Variants in VPS8 observed in about 807,000 individuals in gnomAD.
VPS8 encodes vacuolar protein sorting-associated protein 8 homolog.
In VPS8, 129 loss-of-function variants were observed where a neutral mutation model predicts 216.4. That is an observed-to-expected ratio of 0.60 (90% CI 0.52 to 0.69). The LOEUF is 0.69. Among genes scored for constraint, VPS8 ranks in the 30% least tolerant of loss-of-function variants. The probability of loss-of-function intolerance (pLI) is 0.00; values close to 1 mark genes in which losing one functional copy is unlikely to be tolerated. For synonymous variants in VPS8, 571 were observed against 565.4 expected (o/e 1.01, Z -0.14); for missense variants, 1,531 against 1,683.5 (o/e 0.91, Z 1.59).
chr3:184,984,183 C>CAAAAA (rs1453935100), intron 42 of VPS8, among the ~76,000 whole-genome samples: 39 of 2,886 alleles, frequency 0.014, 19 homozygotes, highest in Non-Finnish European at 0.017. Context: ...GACTCCGTCT[C>CAAAAA]AAAAAAAAAA....
chr3:184,936,828 C>G (rs1392027633), intron 35 of VPS8, among the ~76,000 whole-genome samples: 2 of 151,708 alleles, frequency 1.3e-5, no homozygotes, highest in African/African-American at 4.8e-5. Flanking sequence ...AGCTCCGCCT[C>G]CCGGGTTCAA....
intron 3 of VPS8, among the ~76,000 whole-genome samples, chr3:184,828,909 G>T (rs1719389639): frequency 6.6e-6 from 1 of 152,020 alleles, no homozygotes; most frequent in Non-Finnish European, 1.5e-5. Flanking sequence ...CCAAACCCAG[G>T]GTAATTACTA....
intron 3 of VPS8, among the ~76,000 whole-genome samples, chr3:184,828,270 G>T (rs1719236461): frequency 6.6e-6 from 1 of 152,060 alleles, no homozygotes; most frequent in South Asian, 2.1e-4. Flanking sequence ...CTCCTGAGTA[G>T]CTGGGATTAC....
At chr3:184,847,615 T>C (rs1196173908) in intron 8 of VPS8, among the ~76,000 whole-genome samples, 3 of 152,256 alleles carry the variant, frequency 2.0e-5, no homozygotes, top group Admixed American at 2.0e-4. Flanking sequence ...GTTGTGGAAA[T>C]ATGGTGTTTT....
At chr3:184,947,922 G>A (rs1041400555) in intron 36 of VPS8, among the ~76,000 whole-genome samples, 25 of 152,138 alleles carry the variant, frequency 1.6e-4, no homozygotes, top group African/African-American at 6.0e-4. Flanking sequence ...AGAAAGGTAG[G>A]AGAAAAATTA....
At position 184,928,376 on chromosome 3, in the gene VPS8, T is replaced by G. The variant is rs781442755; in HGVS notation, c.2632-75T>G. 6.8e-6 allele frequency: 9 copies of G among 1,321,354 alleles called. No homozygotes were observed. The East Asian group carries it at 2.5e-4, about 36-fold the overall frequency. 81.9% of individuals were successfully genotyped at this position (1,321,354 alleles called of 1,614,324 possible). On this transcript the variant is annotated intron_variant, in intron 31 of 47. Coordinates refer to ENST00000625842, the MANE Select transcript of VPS8 (RefSeq NM_001009921.3). ...AAAAGAAAAAAATTAAATGTTATAG[T>G]CTGCATGGCTGAATGCACTCTTAAA...
At chr3:185,016,306 G>A (rs1755784027) in intron 45 of VPS8, among the ~76,000 whole-genome samples, 1 of 152,212 alleles carries the variant, frequency 6.6e-6, no homozygotes, top group African/African-American at 2.4e-5. Flanking sequence ...AGTTAAACCA[G>A]TGTGAGAAAT....
In VPS8 at chr3:184,849,785, G is replaced by C. The variant is rs996741843; in HGVS notation, c.667-151G>C. ...CGAATAAAGGCTCTATGCTTTAATG[G>C]ATCTGCAACCTTTAGGTATGTTTTA... On this transcript the variant is annotated intron_variant, in intron 9 of 47. Transcript: ENST00000625842. The C allele has an allele frequency of 4.1e-4, 264 of 647,828 alleles. 5 individuals are homozygous for C. The Admixed American group carries it at 7.7e-3, about 19-fold the overall frequency. 40.1% of individuals were successfully genotyped at this position (647,828 alleles called of 1,614,324 possible).
chr3:184,979,916 G>T (rs1749913553), intron 40 of VPS8, among the ~76,000 whole-genome samples: 2 of 152,172 alleles, frequency 1.3e-5, no homozygotes, highest in Non-Finnish European at 2.9e-5. Flanking sequence ...ACTTAAGTGT[G>T]TTTTTTGTGG....
At chr3:184,944,718 C>A in intron 36 of VPS8, 1 of 348,032 alleles carries the variant, frequency 2.9e-6, no homozygotes. Flanking sequence ...GAAAAAAACA[C>A]ATACGTCACA....
rs1001380031 is a variant in VPS8, at chr3:184,900,942, C to T, written c.2116C>T (p.Pro706Ser). ...GCAGAAACTTTTCAGAGTCATTGCT[C>T]CTCCTCTGAATGCAGGAAAAACACT... ...PMEKLFRVIA[P>S]PLNAGKTLTD... The change falls in exon 25 of 48, where the codon CCT becomes TCT. Residue 706 changes from proline (P) to serine (S), a missense_variant. Pro to Ser is a moderately conservative substitution (Grantham distance 74). Around this residue, in one of 3 missense-constraint regions of VPS8, gnomAD observed 1,318 missense variants for 1,468.4 expected, o/e 0.90. Transcript: ENST00000625842. The T allele has an allele frequency of 3.7e-6, 6 of 1,606,590 alleles. No homozygotes were observed. The African/African-American group carries it at 4.0e-5, about 11-fold the overall frequency.
chr3:184,821,341 C>T (rs1442217530), intron 1 of VPS8, among the ~76,000 whole-genome samples: 2 of 150,814 alleles, frequency 1.3e-5, no homozygotes, highest in East Asian at 1.9e-4. Context: ...GAACTTTCTT[C>T]TCTACTTTTT....
chr3:184,894,835 C>T lies in VPS8; in HGVS notation c.1914C>T (p.Asp638=), dbSNP rs1347878948. 6.2e-7 allele frequency: 1 copy of T among 1,610,354 alleles called. No individual in the cohort carries two copies. Among genetic ancestry groups the T allele is most frequent in the South Asian group, 1.1e-5 (1 of 90,320 alleles). The part of the protein sequence containing the change: ...LVGITPQVMK[D]LIVHFQDKKL... ...GAATCACACCCCAAGTAATGAAAGA[C>T]TTGATTGTTCATTTCCAAGATAAAA... The change falls in exon 23 of 48, where the codon GAC becomes GAT. Residue 638 remains aspartate (D), a synonymous_variant. Transcript: ENST00000625842.
intron 3 of VPS8, 68 bp downstream of exon 3, chr3:184,826,299 TATC>T (rs1226243165): frequency 6.9e-6 from 9 of 1,310,248 alleles, no homozygotes; most frequent in South Asian, 1.3e-5. Context: ...TTGGATTAGT[TATC>T]ATACATGCAC....
At chr3:185,024,248 C>A in intron 45 of VPS8, 88 bp from the exon 46 acceptor site, 1 of 1,180,012 alleles carries the variant, frequency 8.5e-7, no homozygotes, top group Non-Finnish European at 1.2e-6. Flanking sequence ...TTAGTTATAC[C>A]AATTCTAGTT....
At chr3:185,029,871 C>T (rs1757875784) in intron 46 of VPS8, among the ~76,000 whole-genome samples, 1 of 152,140 alleles carries the variant, frequency 6.6e-6, no homozygotes, top group African/African-American at 2.4e-5. Context: ...GCCCACAACA[C>T]GTATCTTTTT....
At chr3:184,974,226 C>T (rs879452773) in intron 40 of VPS8, among the ~76,000 whole-genome samples, 6 of 152,266 alleles carry the variant, frequency 3.9e-5, no homozygotes, top group Admixed American at 3.3e-4. Flanking sequence ...CTGATCTTTT[C>T]TATCATAGCT....
In VPS8 at chr3:184,924,873, G is replaced by A; in HGVS notation, c.2466G>A (p.Glu822=). 1.9e-6 allele frequency: 3 copies of A among 1,612,602 alleles called. No homozygotes were observed. The highest frequency in any genetic ancestry group is 2.5e-6 in the Non-Finnish European group (3 of 1,179,534). ...CCTTTGCTCTTCAGGTTATGGTGGA[G>A]AATTCAGACTTTACCCCCTCACAAG... ...IVDILLKVMV[E]NSDFTPSQVG... is the part of the protein sequence containing the mutation. Residue 822 remains glutamate, a synonymous_variant, in exon 30 of 48, where the codon GAG becomes GAA. Transcript: ENST00000625842.
In VPS8 at chr3:184,926,658, C is replaced by G; in HGVS notation, c.2631+8C>G. On this transcript the variant is annotated splice_region_variant and intron_variant, in intron 31 of 47. Transcript: ENST00000625842. ...CACTCTGAAAGACAGCAGGTATGAA[C>G]TACTAGAACTCTTTTTGCTAAAAAA... The G allele has an allele frequency of 6.3e-7, 1 of 1,595,838 alleles. No homozygotes were observed. Among genetic ancestry groups the G allele is most frequent in the Non-Finnish European group, 8.5e-7 (1 of 1,170,998 alleles).
Sources: allele counts gnomAD v4.1 joint callset (sites outside exome capture counted in the v4.1 genomes callset), GRCh38; gene constraint gnomAD v4.1.1; regional missense constraint gnomAD v4.1.1; transcripts MANE v1.5; gene names NCBI Gene and HGNC (gene_info 2026-07-23, HGNC 2026-07-21).